The following STIL variants were observed in gnomAD, a reference collection of about 807,000 sequenced individuals.
STIL encodes the protein STIL centriolar assembly protein.
Under a neutral mutation model 110.1 loss-of-function variants are expected in STIL, and 55 were observed. The observed-to-expected ratio is 0.50, with a 90% CI of 0.40 to 0.63. STIL has a LOEUF of 0.63. Among genes scored for constraint, STIL ranks in the 20% least tolerant of loss-of-function variants. The probability of loss-of-function intolerance (pLI) is 0.00; values close to 1 mark genes in which losing one functional copy is unlikely to be tolerated. For missense variants in STIL, 1,358 were observed against 1,530.0 expected (o/e 0.89, Z 1.87); for synonymous variants, 481 against 530.0 (o/e 0.91, Z 1.27).
At chr1:47,260,953 C>T (rs1013114504) in intron 15 of STIL, among the ~76,000 whole-genome samples, 1 of 152,138 alleles carries the variant, frequency 6.6e-6, no homozygotes, top group East Asian at 1.9e-4. Flanking sequence ...AGTATCTTGT[C>T]AAATTCCACA....
chr1:47,282,490 C>T (rs1049605683), intron 10 of STIL, 31 bp from the exon 11 acceptor site: 1 of 1,330,456 alleles, frequency 7.5e-7, no homozygotes, highest in Non-Finnish European at 1.1e-6. Context: ...CCAGAAAAGC[C>T]TTTGGTAATC....
chr1:47,262,150 C>G (rs1644504897), intron 15 of STIL, among the ~76,000 whole-genome samples: 1 of 152,068 alleles, frequency 6.6e-6, no homozygotes. Context: ...GCTGCTAGCA[C>G]CAGCCTAGGA....
At chr1:47,264,846 T>C (rs1438637012) in intron 14 of STIL, among the ~76,000 whole-genome samples, 2 of 151,640 alleles carry the variant, frequency 1.3e-5, no homozygotes, top group African/African-American at 2.4e-5. Flanking sequence ...TCTAGTTATG[T>C]GTTGGGATCG....
rs566742946 is a variant in STIL at position 47,258,089 on chromosome 1, A to C, written c.3080+2200T>G. 2.6e-5 allele frequency among the ~76,000 whole-genome samples: 4 copies of C among 152,382 alleles called. No homozygotes were observed. In the East Asian group the frequency reaches 7.7e-4, roughly 29 times the overall value. ...CCTAAAACTGAAAAGCAATATTTGCAAAAGATCATCACAGCAACATTAAAA... is the reference window on the plus strand; with the variant it reads ...CCTAAAACTGAAAAGCAATATTTGCCAAAGATCATCACAGCAACATTAAAA... On this transcript the variant is annotated intron_variant, in intron 16 of 16. Coordinates refer to ENST00000371877, the MANE Select transcript of STIL (RefSeq NM_001048166.1).
At chr1:47,313,010 A>C (rs1646179413) in intron 1 of STIL, 1 of 152,178 alleles carries the variant, frequency 6.6e-6, no homozygotes, top group African/African-American at 2.4e-5. Context: ...ATCTGATCAA[A>C]TTATTCTCCT....
At chr1:47,309,642 G>A (rs990267889) in intron 2 of STIL, among the ~76,000 whole-genome samples, 7 of 152,116 alleles carry the variant, frequency 4.6e-5, no homozygotes, top group South Asian at 2.1e-4. Flanking sequence ...ATTAACTGTC[G>A]TTCCCTAGGG....
chr1:47,298,580 A>G (rs977621301), intron 6 of STIL, among the ~76,000 whole-genome samples: 1 of 152,066 alleles, frequency 6.6e-6, no homozygotes, highest in Admixed American at 6.5e-5. Context: ...CATACTATAA[A>G]TGAATTCTCT....
intron 2 of STIL, among the ~76,000 whole-genome samples, chr1:47,307,237 CTTGAA>C (rs891721042): frequency 1.1e-4 from 17 of 152,146 alleles, no homozygotes; most frequent in African/African-American, 3.9e-4. Flanking sequence ...ATGAGAATTG[CTTGAA>C]TCAGTTGAGG....
At chr1:47,258,079 C>T (rs1000274819) in intron 16 of STIL, among the ~76,000 whole-genome samples, 1 of 152,132 alleles carries the variant, frequency 6.6e-6, no homozygotes, top group Admixed American at 6.6e-5. Flanking sequence ...AACTGAAAAG[C>T]AATATTTGCA....
In STIL at chr1:47,251,098, A is replaced by G; in HGVS notation, c.*38T>C. On this transcript the variant is annotated 3_prime_UTR_variant, in exon 17 of 17. Coordinates refer to ENST00000371877, the MANE Select transcript of STIL (RefSeq NM_001048166.1). The stretch of plus-strand genomic sequence containing the variant: ...TTTTCCCTAAGTATCTTCAGGAGAC[A>G]CCCTGTCCCTGTATTAAAAGGGCAG... 6.3e-7 allele frequency: 1 copy of G among 1,586,502 alleles called. No homozygotes were observed. Among genetic ancestry groups the G allele is most frequent in the Non-Finnish European group, 8.6e-7 (1 of 1,161,300 alleles).
intron 10 of STIL, among the ~76,000 whole-genome samples, chr1:47,285,443 C>T (rs1645269186): frequency 6.6e-6 from 1 of 152,104 alleles, no homozygotes. Flanking sequence ...CTGGAGAACC[C>T]TAATACAAGA....
intron 3 of STIL, among the ~76,000 whole-genome samples, chr1:47,303,056 A>G (rs1464364747): frequency 1.3e-5 from 2 of 152,196 alleles, no homozygotes; most frequent in Non-Finnish European, 2.9e-5. Context: ...ACCAAAATAT[A>G]AGCCAGGAAT....
intron 12 of STIL, among the ~76,000 whole-genome samples, chr1:47,276,319 T>A (rs896860907): frequency 6.6e-6 from 1 of 151,860 alleles, no homozygotes; most frequent in Non-Finnish European, 1.5e-5. Context: ...TTTAACTGTA[T>A]CTAAACTGGA....
chr1:47,308,901 A>C (rs1021052963), intron 2 of STIL, among the ~76,000 whole-genome samples: 1 of 152,084 alleles, frequency 6.6e-6, no homozygotes, highest in Non-Finnish European at 1.5e-5. Context: ...TAAAAATACA[A>C]GTTAGCTGGG....
In STIL at chr1:47,293,463, T is replaced by C. The variant is rs2149110829; in HGVS notation, c.867A>G (p.Gln289=). The change falls in exon 8 of 17, where the codon CAA becomes CAG. Residue 289 remains glutamine (Q), a synonymous_variant. Transcript: ENST00000371877. ...CAGAATAAAATATCACTTGCCTTTC[T>C]TGAACAGAAGAATTGAATATGTATC... is the stretch of plus-strand genomic sequence containing the variant. ...CLRYIFNSSV[Q]ERVFSESGNF... 3.7e-6 allele frequency: 6 copies of C among 1,612,552 alleles called. No homozygotes were observed. The highest frequency in any genetic ancestry group is 1.3e-5 in the African/African-American group (1 of 75,010).
rs942262223 is a variant in STIL at position 47,262,786 on chromosome 1, G to C, written c.2829+117C>G. On this transcript the variant is annotated intron_variant, in intron 15 of 16. Transcript: ENST00000371877. ...AAAAGAAAAATTACATTGTTAATTA[G>C]ACAAAAAATCTTTTTATCTTAAGGT... The C allele has an allele frequency of 1.3e-5, 12 of 901,106 alleles. No homozygotes were observed. The African/African-American group carries it at 1.4e-4, about 10-fold the overall frequency. 55.8% of individuals were successfully genotyped at this position (901,106 alleles called of 1,614,324 possible).
chr1:47,267,304 A>G (rs930006255), intron 14 of STIL, among the ~76,000 whole-genome samples: 1 of 152,222 alleles, frequency 6.6e-6, no homozygotes, highest in African/African-American at 2.4e-5. Flanking sequence ...CCATAAAGTT[A>G]GGAGCTTTGC....
At chr1:47,260,578 T>C (rs748944081) in intron 15 of STIL, 39 bp from the exon 16 acceptor site, 6 of 1,601,494 alleles carry the variant, frequency 3.7e-6, no homozygotes, top group Non-Finnish European at 5.1e-6. Flanking sequence ...AAAATCACTA[T>C]TAACAATGTT....
At chr1:47,304,469 T>C (rs1240761799) in intron 3 of STIL, among the ~76,000 whole-genome samples, 2 of 152,218 alleles carry the variant, frequency 1.3e-5, no homozygotes, top group East Asian at 1.9e-4. Flanking sequence ...AAAACCTCAA[T>C]AGATCTATTT....
Sources: allele counts gnomAD v4.1 joint callset (sites outside exome capture counted in the v4.1 genomes callset), GRCh38; gene constraint gnomAD v4.1.1; transcripts MANE v1.5; gene names NCBI Gene and HGNC (gene_info 2026-07-23, HGNC 2026-07-21).